ST3GAL5: variants seen among roughly 807,000 people sequenced by gnomAD.
ST3GAL5 encodes the protein ST3 beta-galactoside alpha-2,3-sialyltransferase 5.
A neutral mutation model predicts 46.1 loss-of-function variants in ST3GAL5; 25 were observed. The ratio of observed to expected loss-of-function variants is 0.54; its 90% CI spans 0.40 to 0.76. ST3GAL5 has a LOEUF of 0.76. ST3GAL5 is among the 30% of genes least tolerant of loss of function. ST3GAL5 has a pLI of 0.00. For missense variants in ST3GAL5, 431 were observed against 521.2 expected (o/e 0.83, Z 1.69); for synonymous variants, 182 against 192.7 (o/e 0.94, Z 0.46).
chr2:85,844,670 C>T, intron 5 of ST3GAL5, 116 bp from the exon 6 acceptor site: 1 of 1,365,054 alleles, frequency 7.3e-7, no homozygotes, highest in Admixed American at 1.8e-5. Context: ...GCACTGCCTT[C>T]TGAAGCAATC....
At chr2:85,840,942 CAAAA>C (rs1272089535) in intron 6 of ST3GAL5, among the ~76,000 whole-genome samples, 4 of 24,188 alleles carry the variant, frequency 1.7e-4, no homozygotes, top group Non-Finnish European at 1.7e-4. Flanking sequence ...GACTCTGTCT[CAAAA>C]AAAAAAAAAA....
chr2:85,888,979 G>T lies in ST3GAL5; in HGVS notation c.-74C>A, dbSNP rs1688092790. 1.7e-6 allele frequency: 2 copies of T among 1,155,958 alleles called. No individual in the cohort carries two copies. Among genetic ancestry groups the T allele is most frequent in the African/African-American group, 1.6e-5 (1 of 61,176 alleles). The allele number at this position is 1,155,958 out of a possible 1,614,324, so 71.6% of individuals were successfully genotyped here. On this transcript the variant is annotated 5_prime_UTR_variant, in exon 1 of 7. Transcript: ENST00000638572. ...CACCCGCCCCCAGCGCCGCTCTCGC[G>T]CCCATTCAGCTGGGGGCCGCCGCTC...
chr2:85,865,106 C>T (rs1685152396), intron 1 of ST3GAL5, among the ~76,000 whole-genome samples: 1 of 152,120 alleles, frequency 6.6e-6, no homozygotes, highest in South Asian at 2.1e-4. Context: ...CTGGACTGGT[C>T]TATGATAGAG....
At position 85,851,323 on chromosome 2, in the gene ST3GAL5, T is replaced by C. The variant is rs1049409255; in HGVS notation, c.319-3119A>G. On this transcript the variant is annotated intron_variant, in intron 3 of 6. Transcript: ENST00000638572. ...AGTGGATGCAGTAGTAAATCCTGAGTGAGTTTCTACATGTCCTGGCAACGT... is the reference window on the plus strand; with the variant it reads ...AGTGGATGCAGTAGTAAATCCTGAGCGAGTTTCTACATGTCCTGGCAACGT... 3.4e-6 allele frequency: 4 copies of C among 1,164,770 alleles called. No homozygotes were observed. In the African/African-American group the frequency reaches 6.4e-5, roughly 19 times the overall value. The allele number at this position is 1,164,770 out of a possible 1,614,324, so 72.2% of individuals were successfully genotyped here.
chr2:85,870,031 C>T (rs1003651492), intron 1 of ST3GAL5: 14 of 357,370 alleles, frequency 3.9e-5, no homozygotes, highest in African/African-American at 2.1e-4. Flanking sequence ...AATGTGAATG[C>T]TTGTGTTAGA....
intron 1 of ST3GAL5, chr2:85,870,329 G>A: frequency 6.7e-6 from 3 of 446,648 alleles, no homozygotes. Context: ...TTCTTATGAG[G>A]GTTTCGGAGG....
At chr2:85,853,891 T>C (rs12990400) in intron 3 of ST3GAL5, 1 of 152,034 alleles carries the variant, frequency 6.6e-6, no homozygotes, top group Non-Finnish European at 1.5e-5. Context: ...GGATATCCTG[T>C]CAGGACCGTT....
chr2:85,865,824 T>C (rs1318281502), intron 1 of ST3GAL5: 1 of 152,356 alleles, frequency 6.6e-6, no homozygotes, highest in East Asian at 1.9e-4. Context: ...CGTCAGACTA[T>C]AAGCCTGTAA....
chr2:85,867,907 T>G, intron 1 of ST3GAL5: 1 of 527,292 alleles, frequency 1.9e-6, no homozygotes, highest in Non-Finnish European at 3.5e-6. Flanking sequence ...GCATCCAAGA[T>G]GGCATTGCTT....
chr2:85,838,457 A>G lies in ST3GAL5; in HGVS notation c.*1687T>C, dbSNP rs1231646234. On this transcript the variant is annotated 3_prime_UTR_variant, in exon 7 of 7. Coordinates refer to ENST00000638572, the MANE Select transcript of ST3GAL5 (RefSeq NM_003896.4). ...CACCTGAGCCACAAGGGAGCTGTGG[A>G]CCATCTTCCAGAGTCTCAATTTTCT... is the stretch of plus-strand genomic sequence containing the variant. The G allele has an allele frequency of 6.6e-6, 1 of 152,222 alleles. No homozygotes were observed. Among genetic ancestry groups the G allele is most frequent in the African/African-American group, 2.4e-5 (1 of 41,450 alleles). The allele number at this position is 152,222 out of a possible 1,614,324, so 9.4% of individuals were successfully genotyped here.
At chr2:85,840,492 A>C in intron 6 of ST3GAL5, 100 bp from the exon 7 acceptor site, 1 of 1,306,296 alleles carries the variant, frequency 7.7e-7, no homozygotes, top group South Asian at 1.3e-5. Context: ...TGAAAGCTAC[A>C]TTGGGGGCTG....
At position 85,851,765 on chromosome 2, in the gene ST3GAL5, C is replaced by T. The variant is rs72932760; in HGVS notation, c.319-3561G>A. On this transcript the variant is annotated intron_variant, in intron 3 of 6. Coordinates refer to ENST00000638572, the MANE Select transcript of ST3GAL5 (RefSeq NM_003896.4). Reference sequence around the variant, plus strand: ...GAGGACTCCAGAGCTCCCAGGAAGGCCTCAGAGGCGTCAGCTGGGGCCTGG... The same window carrying T: ...GAGGACTCCAGAGCTCCCAGGAAGGTCTCAGAGGCGTCAGCTGGGGCCTGG... 3.7e-3 allele frequency: 4,780 copies of T among 1,278,788 alleles called. 139 individuals carry two copies. In the African/African-American group the frequency reaches 0.065, roughly 17 times the overall value. The allele number at this position is 1,278,788 out of a possible 1,614,324, so 79.2% of individuals were successfully genotyped here.
chr2:85,871,339 C>T (rs537898274), intron 1 of ST3GAL5, among the ~76,000 whole-genome samples: 26 of 152,208 alleles, frequency 1.7e-4, no homozygotes, highest in Non-Finnish European at 2.8e-4. Flanking sequence ...TTACTATAGG[C>T]ACCCTACTAT....
chr2:85,888,716 T>A, intron 1 of ST3GAL5, 108 bp downstream of exon 1: 2 of 880,828 alleles, frequency 2.3e-6, no homozygotes. Flanking sequence ...GCCCGCGGGG[T>A]TCGAGGCGGA....
intron 1 of ST3GAL5, chr2:85,867,894 T>C (rs1685455146): frequency 1.8e-6 from 1 of 557,284 alleles, no homozygotes; most frequent in East Asian, 3.6e-5. Flanking sequence ...ACATGGCAGA[T>C]TAGCATCCAA....
intron 3 of ST3GAL5, among the ~76,000 whole-genome samples, chr2:85,856,798 G>A (rs928289076): frequency 6.6e-6 from 1 of 151,454 alleles, no homozygotes; most frequent in Non-Finnish European, 1.5e-5. Context: ...TCAAACTCCT[G>A]GCCTCAAATG....
chr2:85,840,942 C>CAAAAA lies in ST3GAL5; in HGVS notation c.1009-555_1009-551dup, dbSNP rs1272089535. On this transcript the variant is annotated intron_variant, in intron 6 of 6. Coordinates refer to ENST00000638572, the MANE Select transcript of ST3GAL5 (RefSeq NM_003896.4). ...CTGGCGACAGAGCAAGACTCTGTCT[C>CAAAAA]AAAAAAAAAAAAAAAAAAAAAAAAG... is the stretch of plus-strand genomic sequence containing the variant. Among the ~76,000 whole-genome samples, 23 of 24,176 alleles carry CAAAAA rather than the reference C, an allele frequency of 9.5e-4. 1 individual carries two copies. Among genetic ancestry groups the CAAAAA allele is most frequent in the African/African-American group, 2.9e-3 (22 of 7,710 alleles). The allele number at this position is 24,176 out of a possible 152,430, so 15.9% of individuals were successfully genotyped here.
At chr2:85,852,355 C>G (rs1164089775) in intron 3 of ST3GAL5, among the ~76,000 whole-genome samples, 2 of 152,188 alleles carry the variant, frequency 1.3e-5, no homozygotes, top group Non-Finnish European at 2.9e-5. Flanking sequence ...TCGCAGGTTG[C>G]TCTGATGCCC....
At chr2:85,859,827 C>T (rs1684531882) in intron 3 of ST3GAL5, among the ~76,000 whole-genome samples, 1 of 152,198 alleles carries the variant, frequency 6.6e-6, no homozygotes, top group African/African-American at 2.4e-5. Context: ...AACTGGGACT[C>T]AAAACAATCA....
Sources: gnomAD v4.1 joint callset for allele counts (sites outside exome capture counted in the v4.1 genomes callset) on GRCh38, gnomAD v4.1.1 for gene constraint, MANE v1.5 for transcripts, NCBI Gene and HGNC (gene_info 2026-07-23, HGNC 2026-07-21) for gene names.